Variants in MECOM observed in about 807,000 individuals in gnomAD.
The protein encoded by MECOM is MDS1 and EVI1 complex locus.
Under a neutral mutation model 116.3 loss-of-function variants are expected in MECOM, and 13 were observed. The observed-to-expected ratio is 0.11, with a 90% CI of 0.07 to 0.18. MECOM has a LOEUF of 0.18. MECOM is among the 10% of genes least tolerant of loss of function. The pLI is 1.00. For missense variants in MECOM, 1,299 were observed against 1,509.0 expected, an observed-to-expected ratio of 0.86 and a Z score of 2.31; for synonymous variants, 528 against 535.2, an observed-to-expected ratio of 0.99 and a Z score of 0.19.
intron 2 of MECOM, among the ~76,000 whole-genome samples, chr3:169,283,333 T>C (rs566396610): frequency 1.1e-4 from 17 of 151,930 alleles, no homozygotes; most frequent in Admixed American, 1.0e-3. Context: ...TGAGACCTCA[T>C]CTCTGCAAAA....
chr3:169,152,960 G>C (rs1175511101), intron 2 of MECOM, among the ~76,000 whole-genome samples: 1 of 152,132 alleles, frequency 6.6e-6, no homozygotes, highest in Non-Finnish European at 1.5e-5. Context: ...GTACTTTGCT[G>C]AAACAACCGC....
chr3:169,301,917 G>A lies in MECOM; in HGVS notation c.375+79270C>T, dbSNP rs1716788668. 1.3e-5 allele frequency among the ~76,000 whole-genome samples: 2 copies of A among 151,966 alleles called. 1 individual carries two copies. The highest frequency in any genetic ancestry group is 4.8e-5 in the African/African-American group (2 of 41,364). On this transcript the variant is annotated intron_variant, in intron 2 of 16. Coordinates refer to ENST00000651503, the MANE Select transcript of MECOM (RefSeq NM_004991.4). ...GATGGGGGCAACACAAAGGAGGGGG[G>A]CTTAGCACTGACATCAGTGCAGCTT...
intron 1 of MECOM, among the ~76,000 whole-genome samples, chr3:169,614,123 TTCTC>T (rs1553899413): frequency 6.7e-6 from 1 of 149,648 alleles, no homozygotes; most frequent in Admixed American, 6.7e-5. Context: ...TCTTTTTTTT[TTCTC>T]TCTCTCTCTC....
intron 2 of MECOM, among the ~76,000 whole-genome samples, chr3:169,354,198 T>C (rs1726858467): frequency 6.6e-6 from 1 of 151,884 alleles, no homozygotes; most frequent in South Asian, 2.1e-4. Context: ...GCATTTTTAA[T>C]CCTAACACCA....
intron 1 of MECOM, among the ~76,000 whole-genome samples, chr3:169,451,929 A>G (rs1578138975): frequency 6.6e-6 from 1 of 152,022 alleles, no homozygotes; most frequent in Non-Finnish European, 1.5e-5. Flanking sequence ...TTTAAAGCAC[A>G]AAGATGGGGA....
At chr3:169,614,997 A>T (rs1158633932) in intron 1 of MECOM, 2 of 152,226 alleles carry the variant, frequency 1.3e-5, no homozygotes, top group Non-Finnish European at 2.9e-5. Context: ...TTATCTGTAA[A>T]ATGGGGGGTT....
intron 2 of MECOM, among the ~76,000 whole-genome samples, chr3:169,258,120 C>T (rs1323793667): frequency 2.6e-5 from 4 of 151,884 alleles, no homozygotes; most frequent in Admixed American, 1.3e-4. Flanking sequence ...CTCAGGAGTT[C>T]GAGGCAGAAG....
At chr3:169,599,490 C>A (rs376129843) in intron 1 of MECOM, among the ~76,000 whole-genome samples, 2 of 139,448 alleles carry the variant, frequency 1.4e-5, no homozygotes, top group Admixed American at 7.6e-5. Flanking sequence ...TCCAACCTGG[C>A]GACAGAGTGA....
intron 1 of MECOM, among the ~76,000 whole-genome samples, chr3:169,499,573 A>G (rs1031621142): frequency 1.3e-5 from 2 of 151,746 alleles, no homozygotes; most frequent in Admixed American, 1.3e-4. Context: ...ACTTCTCAGG[A>G]GCTATCTTGG....
At chr3:169,622,497 T>G (rs756634806) in intron 1 of MECOM, among the ~76,000 whole-genome samples, 2 of 152,234 alleles carry the variant, frequency 1.3e-5, no homozygotes, top group Admixed American at 6.5e-5. Flanking sequence ...GGTCACACGC[T>G]GCAAAGAGAA....
chr3:169,215,206 G>A (rs2149484009), intron 2 of MECOM, among the ~76,000 whole-genome samples: 1 of 148,506 alleles, frequency 6.7e-6, no homozygotes, highest in African/African-American at 2.5e-5. Flanking sequence ...GTATTTTCCA[G>A]GAGACTCATT....
intron 1 of MECOM, among the ~76,000 whole-genome samples, chr3:169,469,004 C>T (rs1267865980): frequency 6.6e-6 from 1 of 152,146 alleles, no homozygotes; most frequent in African/African-American, 2.4e-5. Flanking sequence ...TCCTAGCAGT[C>T]TTTCTAGGGC....
chr3:169,113,429 T>A (rs998954814), intron 8 of MECOM, among the ~76,000 whole-genome samples: 1 of 144,892 alleles, frequency 6.9e-6, no homozygotes, highest in South Asian at 2.2e-4. Flanking sequence ...ATATAAATAT[T>A]TTATGTAAAT....
intron 10 of MECOM, among the ~76,000 whole-genome samples, chr3:169,106,950 C>A (rs774907554): frequency 2.6e-5 from 4 of 152,038 alleles, no homozygotes; most frequent in Non-Finnish European, 4.4e-5. Context: ...AAACTTAAAC[C>A]TTAAAAGTCT....
chr3:169,091,559 T>C (rs1719725003), intron 14 of MECOM, among the ~76,000 whole-genome samples: 1 of 152,114 alleles, frequency 6.6e-6, no homozygotes, highest in Non-Finnish European at 1.5e-5. Context: ...CGTCACTGTT[T>C]CTTGCTTGTT....
At chr3:169,331,434 T>C (rs1722696436) in intron 2 of MECOM, among the ~76,000 whole-genome samples, 1 of 152,042 alleles carries the variant, frequency 6.6e-6, no homozygotes, top group South Asian at 2.1e-4. Flanking sequence ...ACAACAGCCA[T>C]AAAAGTGTTA....
intron 13 of MECOM, 139 bp from the exon 14 acceptor site, chr3:169,093,241 A>G: frequency 1.1e-6 from 1 of 880,344 alleles, no homozygotes; most frequent in African/African-American, 1.7e-5. Context: ...AACTTTAGAA[A>G]GTCAAAGTCT....
chr3:169,340,046 G>C (rs1172252312), intron 2 of MECOM, among the ~76,000 whole-genome samples: 5 of 152,152 alleles, frequency 3.3e-5, no homozygotes, highest in African/African-American at 1.2e-4. Context: ...CGTAAACACT[G>C]CCAGTGAATT....
chr3:169,184,915 A>G (rs1371043906), intron 2 of MECOM, among the ~76,000 whole-genome samples: 1 of 152,170 alleles, frequency 6.6e-6, no homozygotes, highest in East Asian at 1.9e-4. Context: ...TGGAGTGCAG[A>G]CCATTACATT....
Sources: gnomAD v4.1 joint callset for allele counts (sites outside exome capture counted in the v4.1 genomes callset) on GRCh38, gnomAD v4.1.1 for gene constraint, MANE v1.5 for transcripts, NCBI Gene and HGNC (gene_info 2026-07-23, HGNC 2026-07-21) for gene names.